ZNF160: variants seen among roughly 807,000 people sequenced by gnomAD.
ZNF160 encodes the protein zinc finger protein 160.
A neutral mutation model predicts 13.1 loss-of-function variants in ZNF160; 9 were observed. The ratio of observed to expected loss-of-function variants is 0.69; its 90% CI spans 0.41 to 1.20. The LOEUF (loss-of-function observed/expected upper bound fraction) is 1.20, where lower values mean the gene tolerates loss of function less well. Among genes scored for constraint, ZNF160 ranks in the 50% most tolerant of loss-of-function variants. The pLI, the probability that ZNF160 is intolerant of heterozygous loss-of-function variation, is 0.01. For missense variants in ZNF160, 838 were observed against 988.0 expected (o/e 0.85, Z 2.04); for synonymous variants, 293 against 333.2 (o/e 0.88, Z 1.31).
chr19:53,069,239 T>C lies in ZNF160; in HGVS notation c.1295A>G (p.Lys432Arg), dbSNP rs1036916644. 2 of 1,612,198 alleles carry C rather than the reference T, an allele frequency of 1.2e-6. No individual in the cohort carries two copies. Among genetic ancestry groups the C allele is most frequent in the African/African-American group, 2.7e-5 (2 of 74,802 alleles). The change falls in exon 6 of 6, where the codon AAA (lysine) becomes AGA (arginine). Residue 432 changes from lysine (K) to arginine (R), a missense_variant. Lys to Arg is a conservative substitution (Grantham distance 26, BLOSUM62 2). Transcript: ENST00000683776. The surrounding 1 kb of genome is among the most constrained non-coding windows in gnomAD (Gnocchi z 4.4). The stretch of plus-strand genomic sequence containing the variant: ...GAGGTATGAATTGTACCTAAAGACT[T>C]TGCCACATTCATTACATTTGTAAGG... ...EKPYKCNECG[K>R]VFRYNSYLGR... is the part of the protein sequence containing the mutation.
chr19:53,073,840 C>T (rs970992362), intron 5 of ZNF160, among the ~76,000 whole-genome samples: 1 of 152,142 alleles, frequency 6.6e-6, no homozygotes, highest in African/African-American at 2.4e-5. Flanking sequence ...GGCTGGAGTG[C>T]AGTGGCATGA....
At chr19:53,073,425 C>A (rs749195076) in intron 5 of ZNF160, 6 of 1,598,260 alleles carry the variant, frequency 3.8e-6, no homozygotes, top group South Asian at 3.3e-5. Flanking sequence ...CCTCGACAGG[C>A]GGAGACGGCT....
chr19:53,081,574 C>G (rs907107041), intron 3 of ZNF160, among the ~76,000 whole-genome samples: 1 of 151,956 alleles, frequency 6.6e-6, no homozygotes, highest in Non-Finnish European at 1.5e-5. Flanking sequence ...CCATTTCATA[C>G]CAGGCATAAT....
At chr19:53,085,771 G>A in intron 3 of ZNF160, 1 of 429,146 alleles carries the variant, frequency 2.3e-6, no homozygotes. Flanking sequence ...TCTGTTCCCA[G>A]TCTTTACGAG....
intron 1 of ZNF160, among the ~76,000 whole-genome samples, chr19:53,094,899 C>G (rs543400009): frequency 1.1e-4 from 17 of 152,224 alleles, no homozygotes; most frequent in African/African-American, 3.6e-4. Flanking sequence ...GTAGAGAGCC[C>G]AGGCCCGCTC....
intron 3 of ZNF160, among the ~76,000 whole-genome samples, chr19:53,084,300 C>T (rs1020528465): frequency 1.3e-5 from 2 of 152,228 alleles, no homozygotes; most frequent in Admixed American, 6.5e-5. Flanking sequence ...ATGCCAAGCC[C>T]GCCTTTTAAA....
chr19:53,068,423 G>C lies in ZNF160; in HGVS notation c.2111C>G (p.Pro704Arg), dbSNP rs1340545946. 6.2e-7 allele frequency: 1 copy of C among 1,614,086 alleles called. No homozygotes were observed. The highest frequency in any genetic ancestry group is 1.7e-5 in the Admixed American group (1 of 60,012). Residue 704 changes from proline (P) to arginine (R), a missense_variant, in exon 6 of 6, where the codon CCT becomes CGT. Around this residue, in one of 3 missense-constraint regions of ZNF160, gnomAD observed 400 missense variants for 538.9 expected, o/e 0.74. Coordinates refer to ENST00000683776, the MANE Select transcript of ZNF160 (RefSeq NM_001322131.2). ...TTTCCCACACTCATTGCATCGGTAAGGTTTCTCTCCGGTGTGAGTCCTTTG... is the reference window on the plus strand; with the variant it reads ...TTTCCCACACTCATTGCATCGGTAACGTTTCTCTCCGGTGTGAGTCCTTTG... ...NHQRTHTGEK[P>R]YRCNECGKAF...
intron 3 of ZNF160, chr19:53,085,109 A>G (rs2084781355): frequency 2.1e-6 from 2 of 950,970 alleles, no homozygotes; most frequent in Non-Finnish European, 2.5e-6. Flanking sequence ...GTGAGCCACC[A>G]TGCAGCACCC....
chr19:53,103,269 G>C lies in ZNF160; in HGVS notation c.-358C>G, dbSNP rs944074333. On this transcript the variant is annotated 5_prime_UTR_variant, in exon 1 of 6. Coordinates refer to ENST00000683776, the MANE Select transcript of ZNF160 (RefSeq NM_001322131.2). ...CACACAGCAAGGCCTATTTACCTGA[G>C]GTGGAGGGTGCGGTGCGGAGATTTT... is the stretch of plus-strand genomic sequence containing the variant. 1 of 152,304 alleles carries C rather than the reference G, an allele frequency of 6.6e-6. No homozygotes were observed. Among genetic ancestry groups the C allele is most frequent in the African/African-American group, 2.4e-5 (1 of 41,434 alleles). 9.4% of individuals were successfully genotyped at this position (152,304 alleles called of 1,614,324 possible).
intron 1 of ZNF160, among the ~76,000 whole-genome samples, chr19:53,092,443 C>T (rs926419239): frequency 9.2e-4 from 140 of 152,172 alleles, no homozygotes; most frequent in African/African-American, 3.2e-3. Context: ...CCCAAGTAAC[C>T]GGGATTACAG....
At chr19:53,088,569 T>C (rs964833037) in intron 2 of ZNF160, among the ~76,000 whole-genome samples, 3 of 152,056 alleles carry the variant, frequency 2.0e-5, no homozygotes, top group African/African-American at 7.2e-5. Context: ...TTTAGAATAT[T>C]ATGCTCTTAA....
chr19:53,086,432 T>A, intron 2 of ZNF160, 111 bp from the exon 3 acceptor site: 1 of 832,610 alleles, frequency 1.2e-6, no homozygotes, highest in Non-Finnish European at 1.7e-6. Flanking sequence ...CACGCACAGA[T>A]CTCACCCTGT....
At chr19:53,093,392 T>A (rs2085106833) in intron 1 of ZNF160, among the ~76,000 whole-genome samples, 1 of 152,076 alleles carries the variant, frequency 6.6e-6, no homozygotes. Flanking sequence ...TGAGCCAAGA[T>A]CGTGCCACTG....
At chr19:53,083,860 C>G (rs2084727864) in intron 3 of ZNF160, among the ~76,000 whole-genome samples, 1 of 152,234 alleles carries the variant, frequency 6.6e-6, no homozygotes, top group Non-Finnish European at 1.5e-5. Flanking sequence ...TGAGCCATGA[C>G]TGTACTGTAA....
Position 53,086,413 on chromosome 19 carries a change from CCA to C in ZNF160, c.-45-94_-45-93del. On this transcript the variant is annotated intron_variant, in intron 2 of 5. Transcript: ENST00000683776. ...AGAATCTATACATCCCCTTCATGTG[CCA>C]CAGTCACACGCACAGATCTCACCCT... is the stretch of plus-strand genomic sequence containing the variant. 4.4e-6 allele frequency: 5 copies of C among 1,137,052 alleles called. No individual in the cohort carries two copies. In the South Asian group the frequency reaches 5.5e-5, roughly 13 times the overall value. The allele number at this position is 1,137,052 out of a possible 1,614,324, so 70.4% of individuals were successfully genotyped here.
rs2084038540 is a variant in ZNF160, at chr19:53,068,437, G to A, written c.2097C>T (p.His699=). 1.2e-6 allele frequency: 2 copies of A among 1,613,218 alleles called. No individual in the cohort carries two copies. Among genetic ancestry groups the A allele is most frequent in the Non-Finnish European group, 1.7e-6 (2 of 1,179,784 alleles). ...NSHLANHQRT[H]TGEKPYRCNE... ...TGCATCGGTAAGGTTTCTCTCCGGTGTGAGTCCTTTGATGATTTGCAAGGT... is the reference window on the plus strand; with the variant it reads ...TGCATCGGTAAGGTTTCTCTCCGGTATGAGTCCTTTGATGATTTGCAAGGT... Residue 699 remains histidine, a synonymous_variant, in exon 6 of 6, where the codon CAC becomes CAT. Coordinates refer to ENST00000683776, the MANE Select transcript of ZNF160 (RefSeq NM_001322131.2).
In ZNF160 at chr19:53,069,079, T is replaced by C; in HGVS notation, c.1455A>G (p.Glu485=). The C allele has an allele frequency of 6.2e-7, 1 of 1,614,160 alleles. No homozygotes were observed. The highest frequency in any genetic ancestry group is 8.5e-7 in the Non-Finnish European group (1 of 1,180,038). Residue 485 remains glutamate (E), a synonymous_variant, in exon 6 of 6, where the codon GAA becomes GAG. Transcript: ENST00000683776. This position sits in a 1 kb window ranked among gnomAD's most constrained non-coding sequence, Gnocchi z 4.4. ...AATTTTGAGTGAAAACCTTGCTGCA[T>C]TCATTGCATTTGAAAGGTTTTGTTC... ...HTGTKPFKCN[E]CSKVFTQNSQ... is the part of the protein sequence containing the mutation.
Position 53,068,309 on chromosome 19 carries a change from AAGACCTTGCC to A in ZNF160, c.2215_2224del (p.Gly739LeufsTer31). 3.1e-6 allele frequency: 5 copies of A among 1,614,032 alleles called. No homozygotes were observed. The highest frequency in any genetic ancestry group is 4.2e-6 in the Non-Finnish European group (5 of 1,180,008). On this transcript the variant is annotated frameshift_variant, in exon 6 of 6. Transcript: ENST00000683776. LOFTEE classifies it low-confidence loss of function (END_TRUNC). Reference sequence around the variant, plus strand: ...ATTTGCCAGGTGAGCATTTTGAGTAAAGACCTTGCCACATTCATTACATTTGTAAGGTTTT... The same window carrying A: ...ATTTGCCAGGTGAGCATTTTGAGTAAACATTCATTACATTTGTAAGGTTTT...
chr19:53,086,287 T>C lies in ZNF160; in HGVS notation c.-11A>G. On this transcript the variant is annotated 5_prime_UTR_variant, in exon 3 of 6. Transcript: ENST00000683776. ...CTGAGTAAGGGCCATCCCTGACTCC[T>C]TTTCTTTCCTCTTCCTCTTCTTCCA... 2 of 1,585,670 alleles carry C rather than the reference T, an allele frequency of 1.3e-6. No individual in the cohort carries two copies. Among genetic ancestry groups the C allele is most frequent in the Non-Finnish European group, 1.7e-6 (2 of 1,167,648 alleles).
Sources: gnomAD v4.1 joint callset for allele counts (sites outside exome capture counted in the v4.1 genomes callset) on GRCh38, gnomAD v4.1.1 for gene constraint, gnomAD v4.1.1 regional missense constraint, Gnocchi (gnomAD v3.1) non-coding constraint, MANE v1.5 for transcripts, NCBI Gene and HGNC (gene_info 2026-07-23, HGNC 2026-07-21) for gene names.